CHMP2B: variants seen among roughly 807,000 people sequenced by gnomAD.
The protein encoded by CHMP2B is charged multivesicular body protein 2B.
A neutral mutation model predicts 29.8 loss-of-function variants in CHMP2B; 22 were observed. That is an observed-to-expected ratio of 0.74 (90% CI 0.53 to 1.05). The LOEUF is 1.05. Ranked by LOEUF, CHMP2B falls within the 50% of genes least tolerant of loss-of-function variation. CHMP2B has a pLI of 0.00. For synonymous variants in CHMP2B, 78 were observed against 75.8 expected, an observed-to-expected ratio of 1.03 and a Z score of -0.15; for missense variants, 261 against 252.2, an observed-to-expected ratio of 1.03 and a Z score of -0.24.
intron 1 of CHMP2B, among the ~76,000 whole-genome samples, chr3:87,228,035 A>T (rs1300392227): frequency 6.6e-6 from 1 of 152,172 alleles, no homozygotes; most frequent in Non-Finnish European, 1.5e-5. Context: ...CTTCTTTAAG[A>T]ACACCCCATC....
At chr3:87,250,335 A>C (rs777343345) in intron 4 of CHMP2B, among the ~76,000 whole-genome samples, 5 of 151,856 alleles carry the variant, frequency 3.3e-5, no homozygotes, top group Non-Finnish European at 5.9e-5. Flanking sequence ...GTTTGTTTTT[A>C]TTCTCACTTT....
chr3:87,236,752 C>T (rs942391278), intron 1 of CHMP2B, among the ~76,000 whole-genome samples: 2 of 151,970 alleles, frequency 1.3e-5, no homozygotes, highest in African/African-American at 4.8e-5. Context: ...ATCTCAGCTA[C>T]TTGGGAAGCT....
At chr3:87,249,698 G>GGTTTC (rs1575970730) in intron 3 of CHMP2B, among the ~76,000 whole-genome samples, 177 bp from the exon 4 acceptor site, 1 of 151,890 alleles carries the variant, frequency 6.6e-6, no homozygotes, top group East Asian at 1.9e-4. Context: ...TTAAGCAGAT[G>GGTTTC]GTTTCCAAAT....
At chr3:87,227,669 G>A (rs1705837945) in intron 1 of CHMP2B, 113 bp downstream of exon 1, 1 of 1,393,326 alleles carries the variant, frequency 7.2e-7, no homozygotes, top group African/African-American at 1.4e-5. Flanking sequence ...GGATCAAGTG[G>A]TCCCACAGGT....
intron 1 of CHMP2B, among the ~76,000 whole-genome samples, chr3:87,228,764 TACCTGGAATAACTACCA>T (rs1205782288): frequency 6.6e-6 from 1 of 152,202 alleles, no homozygotes; most frequent in Admixed American, 6.5e-5. Context: ...CCATTTGCAA[TACCTGGAATAACTACCA>T]ACTTCGTATA....
intron 1 of CHMP2B, among the ~76,000 whole-genome samples, chr3:87,231,714 TC>T (rs1198948184): frequency 3.3e-5 from 5 of 152,174 alleles, no homozygotes; most frequent in Non-Finnish European, 7.4e-5. Context: ...CATTGTTATC[TC>T]CCATACTCTT....
At chr3:87,244,226 T>C (rs1706172780) in intron 2 of CHMP2B, among the ~76,000 whole-genome samples, 1 of 151,854 alleles carries the variant, frequency 6.6e-6, no homozygotes, top group African/African-American at 2.4e-5. Context: ...TTTGTATTTT[T>C]AGTAGAGAGG....
intron 3 of CHMP2B, among the ~76,000 whole-genome samples, chr3:87,246,343 G>A (rs1374022786): frequency 6.6e-6 from 1 of 151,968 alleles, no homozygotes; most frequent in Non-Finnish European, 1.5e-5. Flanking sequence ...TCACATGCTG[G>A]CCAGGCTGGT....
chr3:87,253,634 C>A (rs1007701601), intron 5 of CHMP2B, 78 bp from the exon 6 acceptor site: 1 of 1,381,834 alleles, frequency 7.2e-7, no homozygotes, highest in East Asian at 2.3e-5. Flanking sequence ...ATTAAACAGA[C>A]CTCTTTACAG....
chr3:87,253,612 T>C (rs1179395830), intron 5 of CHMP2B, 100 bp from the exon 6 acceptor site: 20 of 1,364,132 alleles, frequency 1.5e-5, no homozygotes, highest in Non-Finnish European at 2.1e-5. Flanking sequence ...TTTATTTCTG[T>C]TTCAAAAGTA....
intron 2 of CHMP2B, 51 bp downstream of exon 2, chr3:87,240,841 T>G: frequency 7.2e-7 from 1 of 1,380,574 alleles, no homozygotes. Context: ...ATTTGGAAAT[T>G]ACTGTAGGAA....
intron 1 of CHMP2B, among the ~76,000 whole-genome samples, chr3:87,229,552 GT>G (rs1575960853): frequency 6.6e-6 from 1 of 151,892 alleles, no homozygotes; most frequent in Non-Finnish European, 1.5e-5. Context: ...TTTATTCCCT[GT>G]TTTATTGAAA....
At position 87,247,013 on chromosome 3, in the gene CHMP2B, T is replaced by G. The variant is rs114971691; in HGVS notation, c.321+1105T>G. ...AGCTGTACAGAAGAGGGATTGTGAA[T>G]ATGAAGTGCAAAAGAAAAAAAATAG... On this transcript the variant is annotated intron_variant, in intron 3 of 5. Coordinates refer to ENST00000263780, the MANE Select transcript of CHMP2B (RefSeq NM_014043.4). 5.4e-3 allele frequency among the ~76,000 whole-genome samples: 827 copies of G among 152,242 alleles called. 8 individuals are homozygous for G. The highest frequency in any genetic ancestry group is 0.011 in the South Asian group (52 of 4,830).
Position 87,254,186 on chromosome 3 carries a change from G to C in CHMP2B, c.*364G>C, listed in dbSNP as rs1184747616. 2 of 220,150 alleles carry C rather than the reference G, an allele frequency of 9.1e-6. No homozygotes were observed. Among genetic ancestry groups the C allele is most frequent in the Admixed American group, 5.3e-5 (1 of 18,742 alleles). The allele number at this position is 220,150 out of a possible 1,614,324, so 13.6% of individuals were successfully genotyped here. A position where few individuals can be genotyped will look rare whatever the true frequency, so the allele number is the denominator to read the frequency against. On this transcript the variant is annotated 3_prime_UTR_variant, in exon 6 of 6. Coordinates refer to ENST00000263780, the MANE Select transcript of CHMP2B (RefSeq NM_014043.4). ...ATGCCATTAGGCACCAACTTAAAGAGGGTTGTAAAAATATTAAAAGTATAT... is the reference window on the plus strand; with the variant it reads ...ATGCCATTAGGCACCAACTTAAAGACGGTTGTAAAAATATTAAAAGTATAT...
At chr3:87,240,611 T>A (rs968716032) in intron 1 of CHMP2B, 88 bp from the exon 2 acceptor site, 1 of 975,482 alleles carries the variant, frequency 1.0e-6, no homozygotes, top group Non-Finnish European at 1.7e-6. Context: ...TAAGATTTTT[T>A]TAAATCATGA....
At chr3:87,237,821 G>A (rs1211932714) in intron 1 of CHMP2B, among the ~76,000 whole-genome samples, 1 of 151,998 alleles carries the variant, frequency 6.6e-6, no homozygotes, top group Non-Finnish European at 1.5e-5. Flanking sequence ...TAAATGAAAT[G>A]TATGTTTCCC....
At position 87,253,880 on chromosome 3, in the gene CHMP2B, G is replaced by T; in HGVS notation, c.*58G>T. 8.1e-7 allele frequency: 1 copy of T among 1,233,368 alleles called. No homozygotes were observed. The highest frequency in any genetic ancestry group is 1.2e-6 in the Non-Finnish European group (1 of 849,120). 76.4% of individuals were successfully genotyped at this position (1,233,368 alleles called of 1,614,324 possible). A position where few individuals can be genotyped will look rare whatever the true frequency, so the allele number is the denominator to read the frequency against. On this transcript the variant is annotated 3_prime_UTR_variant, in exon 6 of 6. Transcript: ENST00000263780. ...AATTATGTAGTATAAACCAAGCACAGTGCAGATTTCTTTTACAAAACACAT... is the reference window on the plus strand; with the variant it reads ...AATTATGTAGTATAAACCAAGCACATTGCAGATTTCTTTTACAAAACACAT...
chr3:87,235,975 A>G (rs949982232), intron 1 of CHMP2B, among the ~76,000 whole-genome samples: 1 of 152,204 alleles, frequency 6.6e-6, no homozygotes, highest in African/African-American at 2.4e-5. Flanking sequence ...GTTTATTTTA[A>G]AGTATACAAT....
intron 1 of CHMP2B, among the ~76,000 whole-genome samples, chr3:87,238,154 A>G (rs1224995195): frequency 2.0e-5 from 3 of 152,226 alleles, no homozygotes; most frequent in South Asian, 2.1e-4. Context: ...TGTAACTATT[A>G]TAACTATAGA....
Sources: gnomAD v4.1 joint callset for allele counts (sites outside exome capture counted in the v4.1 genomes callset) on GRCh38, gnomAD v4.1.1 for gene constraint, MANE v1.5 for transcripts, NCBI Gene and HGNC (gene_info 2026-07-23, HGNC 2026-07-21) for gene names.